The following TLN2 variants were observed in gnomAD, a reference collection of about 807,000 sequenced individuals.
TLN2 encodes talin 2, also known as talin-2.
In TLN2, 118 loss-of-function variants were observed where a neutral mutation model predicts 294.7. The observed-to-expected ratio is 0.40, with a 90% CI of 0.34 to 0.47. The LOEUF is 0.47. TLN2 is among the 20% of genes least tolerant of loss of function. The probability of loss-of-function intolerance (pLI) is 0.84; values close to 1 mark genes in which losing one functional copy is unlikely to be tolerated. For missense variants in TLN2, 3,083 were observed against 3,282.2 expected, an observed-to-expected ratio of 0.94 and a Z score of 1.48; for synonymous variants, 1,431 against 1,304.5, an observed-to-expected ratio of 1.10 and a Z score of -2.09.
intron 2 of TLN2, among the ~76,000 whole-genome samples, chr15:62,605,984 G>A (rs1422989072): frequency 1.3e-5 from 2 of 152,234 alleles, no homozygotes; most frequent in Non-Finnish European, 2.9e-5. Context: ...AGAGGTAGTA[G>A]TGTTACACCA....
In TLN2 at chr15:62,739,512, C is replaced by A. The variant is rs560735833; in HGVS notation, c.3852C>A (p.Leu1284=). The A allele has an allele frequency of 3.1e-6, 5 of 1,614,128 alleles. No individual in the cohort carries two copies. The highest frequency in any genetic ancestry group is 2.2e-5 in the East Asian group (1 of 44,878). The part of the protein sequence containing the change: ...GKFSDDFDEF[L]DAGIEMAGQA... ...TCAGTGATGATTTTGATGAATTCCT[C>A]GATGCTGGCATTGAGATGGCTGGCC... Residue 1284 remains leucine (L), a synonymous_variant, in exon 31 of 59, where the codon CTC becomes CTA. Transcript: ENST00000636159.
intron 3 of TLN2, among the ~76,000 whole-genome samples, chr15:62,643,405 ATT>A (rs571288380): frequency 1.4e-4 from 13 of 90,730 alleles, no homozygotes; most frequent in African/African-American, 7.0e-4. Context: ...TGGTTCCAGG[ATT>A]TTTTTTTTTT....
intron 58 of TLN2, among the ~76,000 whole-genome samples, chr15:62,839,998 C>T (rs527695225): frequency 2.0e-5 from 3 of 152,276 alleles, no homozygotes; most frequent in African/African-American, 4.8e-5. Flanking sequence ...ACCTTGAAAG[C>T]GTGAAATAAG....
chr15:62,486,884 G>A (rs531026268), intron 1 of TLN2, among the ~76,000 whole-genome samples: 34 of 150,874 alleles, frequency 2.3e-4, no homozygotes, highest in Non-Finnish European at 4.0e-4. Context: ...TCTGCTCTTC[G>A]ATACAGGTAG....
chr15:62,757,742 A>G (rs1193618984), intron 37 of TLN2, among the ~76,000 whole-genome samples: 1 of 152,180 alleles, frequency 6.6e-6, no homozygotes, highest in Admixed American at 6.5e-5. Flanking sequence ...TGGAAAAGAT[A>G]AAGGCCTCCG....
intron 1 of TLN2, among the ~76,000 whole-genome samples, chr15:62,392,592 G>T (rs923074985): frequency 6.6e-6 from 1 of 152,178 alleles, no homozygotes; most frequent in Non-Finnish European, 1.5e-5. Context: ...TTTGTGATGG[G>T]ACAGGGCACG....
At chr15:62,436,027 C>G (rs1299575757) in intron 1 of TLN2, among the ~76,000 whole-genome samples, 2 of 152,224 alleles carry the variant, frequency 1.3e-5, no homozygotes, top group East Asian at 1.9e-4. Context: ...CTTCTCCACT[C>G]TATCAGGATG....
At chr15:62,552,255 T>C (rs910548075) in intron 1 of TLN2, among the ~76,000 whole-genome samples, 1 of 152,220 alleles carries the variant, frequency 6.6e-6, no homozygotes, top group Non-Finnish European at 1.5e-5. Context: ...TTTATTCTAT[T>C]GTTAATCTGT....
At chr15:62,817,562 G>A (rs1193600272) in intron 52 of TLN2, among the ~76,000 whole-genome samples, 1 of 152,154 alleles carries the variant, frequency 6.6e-6, no homozygotes, top group South Asian at 2.1e-4. Context: ...GTACACTGCC[G>A]TGTCTAGGGC....
chr15:62,797,496 T>C, intron 48 of TLN2, 94 bp downstream of exon 48: 1 of 1,399,308 alleles, frequency 7.1e-7, no homozygotes, highest in Non-Finnish European at 9.4e-7. Context: ...ACAGGAACTT[T>C]TGAAGTAGAC....
chr15:62,542,544 C>T (rs982084675), intron 1 of TLN2, among the ~76,000 whole-genome samples: 4 of 152,106 alleles, frequency 2.6e-5, no homozygotes, highest in Admixed American at 1.3e-4. Flanking sequence ...CTGCAGATAA[C>T]GGGAAAATAC....
chr15:62,518,050 T>G (rs2040269114), intron 1 of TLN2, among the ~76,000 whole-genome samples: 1 of 152,144 alleles, frequency 6.6e-6, no homozygotes, highest in Non-Finnish European at 1.5e-5. Flanking sequence ...AGCAGTTTTT[T>G]TTTTTTTGAG....
Position 62,529,951 on chromosome 15 carries a change from G to T in TLN2, c.-237-59736G>T, listed in dbSNP as rs944937640. ...TCATGCCTGTAATCCCGGCACTTTG[G>T]GAGGCTAAGGGGGGCGGATCACCTG... On this transcript the variant is annotated intron_variant, in intron 1 of 58. Coordinates refer to ENST00000636159, the MANE Select transcript of TLN2 (RefSeq NM_015059.3). Among the ~76,000 whole-genome samples the T allele has an allele frequency of 3.3e-5, 5 of 152,262 alleles. No individual in the cohort carries two copies. The South Asian group carries it at 6.2e-4, about 19-fold the overall frequency.
chr15:62,414,163 AC>A (rs1451606252), intron 1 of TLN2, among the ~76,000 whole-genome samples: 3 of 37,364 alleles, frequency 8.0e-5, no homozygotes, highest in African/African-American at 6.8e-5. Context: ...AAAAAAAAAA[AC>A]TATATATATA....
intron 1 of TLN2, among the ~76,000 whole-genome samples, chr15:62,552,902 C>T (rs555795127): frequency 5.3e-4 from 80 of 152,268 alleles, no homozygotes; most frequent in African/African-American, 1.8e-3. Flanking sequence ...ACAGAGACTT[C>T]ATAGAATATA....
intron 2 of TLN2, among the ~76,000 whole-genome samples, chr15:62,608,656 C>T (rs950841051): frequency 1.3e-5 from 2 of 152,022 alleles, no homozygotes; most frequent in South Asian, 2.1e-4. Context: ...TGGGAAGACA[C>T]GGGGACAAGG....
At chr15:62,569,911 C>T (rs1271025849) in intron 1 of TLN2, among the ~76,000 whole-genome samples, 2 of 152,220 alleles carry the variant, frequency 1.3e-5, no homozygotes. Context: ...TAATCCCTGG[C>T]TTTAAAGCTA....
intron 11 of TLN2, among the ~76,000 whole-genome samples, chr15:62,685,846 C>T (rs1156676407): frequency 6.6e-6 from 1 of 152,168 alleles, no homozygotes; most frequent in Non-Finnish European, 1.5e-5. Context: ...AGCTTCTGCT[C>T]TCCTCCCCCT....
chr15:62,599,462 T>G (rs1391360895), intron 2 of TLN2, among the ~76,000 whole-genome samples: 1 of 152,218 alleles, frequency 6.6e-6, no homozygotes, highest in Non-Finnish European at 1.5e-5. Flanking sequence ...GCTTTTACTC[T>G]ATTATACAAA....
Sources: allele counts gnomAD v4.1 joint callset (sites outside exome capture counted in the v4.1 genomes callset), GRCh38; gene constraint gnomAD v4.1.1; transcripts MANE v1.5; gene names NCBI Gene and HGNC (gene_info 2026-07-23, HGNC 2026-07-21).